Variants in MVD observed in about 807,000 individuals in gnomAD.
The protein encoded by MVD is diphosphomevalonate decarboxylase.
A neutral mutation model predicts 42.4 loss-of-function variants in MVD; 52 were observed. That is an observed-to-expected ratio of 1.23 (90% CI 0.98 to 1.55). The LOEUF (loss-of-function observed/expected upper bound fraction) is 1.55. MVD is among the 40% of genes most tolerant of loss of function. The pLI is 0.00. For missense variants in MVD, 663 were observed against 572.1 expected (o/e 1.16, Z -1.62); for synonymous variants, 287 against 243.2 (o/e 1.18, Z -1.68).
intron 7 of MVD, 132 bp downstream of exon 7, chr16:88,655,067 C>T: frequency 5.2e-6 from 6 of 1,150,968 alleles, no homozygotes; most frequent in East Asian, 2.6e-5. Flanking sequence ...CAGTGAGCTT[C>T]GCACACAGCA....
chr16:88,656,149 C>A lies in MVD; in HGVS notation c.559G>T (p.Ala187Ser), dbSNP rs369371155. The A allele has an allele frequency of 5.0e-6, 8 of 1,601,984 alleles. No homozygotes were observed. In the African/African-American group the frequency reaches 9.3e-5, roughly 19 times the overall value. Residue 187 changes from alanine (A) to serine (S), a missense_variant, in exon 5 of 10, where the codon GCC becomes TCC. Coordinates refer to ENST00000301012, the MANE Select transcript of MVD (RefSeq NM_002461.3). The part of the protein sequence containing the change: ...DGKDSIARQV[A>S]PESHWPELRV... ...AGTTCAGGCCAGTGTGACTCGGGGG[C>A]CACTTGCCGAGCGATGCTGTCCTTC...
rs561517057 is a variant in MVD at position 88,656,054 on chromosome 16, C to A, written c.603+51G>T. On this transcript the variant is annotated intron_variant, in intron 5 of 9. Coordinates refer to ENST00000301012, the MANE Select transcript of MVD (RefSeq NM_002461.3). ...CTCCTGCTCCCGGCAGCAGCCCTGA[C>A]TAGGGACAGAGGCCACCGGGCTGCT... is the stretch of plus-strand genomic sequence containing the variant. 1.8e-5 allele frequency: 28 copies of A among 1,539,708 alleles called. 2 individuals are homozygous for A. The South Asian group carries it at 3.1e-4, about 17-fold the overall frequency.
At chr16:88,658,160 G>T (rs923985519) in intron 2 of MVD, 131 bp from the exon 3 acceptor site, 16 of 863,914 alleles carry the variant, frequency 1.9e-5, no homozygotes, top group Non-Finnish European at 2.7e-5. Context: ...GGCAGGGGGG[G>T]AAAGGCCAGT....
Position 88,652,371 on chromosome 16 carries a change from G to C in MVD, c.*154C>G. 7.5e-6 allele frequency: 6 copies of C among 802,546 alleles called. No individual in the cohort carries two copies. In the South Asian group the frequency reaches 9.0e-5, roughly 12 times the overall value. The allele number at this position is 802,546 out of a possible 1,614,324, so 49.7% of individuals were successfully genotyped here. Reference sequence around the variant, plus strand: ...TCTCCTGACACCTGGGCGGCCGCAGGACTCCCTGCACTGCCCCACAGCAAG... The same window carrying C: ...TCTCCTGACACCTGGGCGGCCGCAGCACTCCCTGCACTGCCCCACAGCAAG... On this transcript the variant is annotated 3_prime_UTR_variant, in exon 10 of 10. Coordinates refer to ENST00000301012, the MANE Select transcript of MVD (RefSeq NM_002461.3).
chr16:88,654,954 T>G, intron 7 of MVD, 147 bp from the exon 8 acceptor site: 1 of 890,628 alleles, frequency 1.1e-6, no homozygotes, highest in East Asian at 2.7e-5. Context: ...TGACCCCAAG[T>G]GCCTGGTACT....
rs139545454 is a variant in MVD at position 88,657,922 on chromosome 16, C to T, written c.249G>A (p.Leu83=). The T allele has an allele frequency of 1.1e-3, 1,708 of 1,613,558 alleles. No homozygotes were observed. The highest frequency in any genetic ancestry group is 1.4e-3 in the Non-Finnish European group (1,624 of 1,179,984). The change falls in exon 3 of 10, where the codon CTG becomes CTA. Residue 83 remains leucine, a synonymous_variant. Coordinates refer to ENST00000301012, the MANE Select transcript of MVD (RefSeq NM_002461.3). The part of the protein sequence containing the change: ...DVGQPRLQAC[L]REIRCLARKR... ...ATGGGGACCCCAGCTCACTCTCCCG[C>T]AGGCAGGCCTGCAGCCGCGGCTGCC...
Position 88,652,225 on chromosome 16 carries a change from G to A in MVD, c.*300C>T, listed in dbSNP as rs1395001706. The stretch of plus-strand genomic sequence containing the variant: ...AGAGAACTGGGCATAGCCAGAGCTG[G>A]GGTGAGAAAGCCCTTCAGCCCTGCT... On this transcript the variant is annotated 3_prime_UTR_variant, in exon 10 of 10. Transcript: ENST00000301012. 1.5e-5 allele frequency: 8 copies of A among 532,522 alleles called. No individual in the cohort carries two copies. The African/African-American group carries it at 1.5e-4, about 10-fold the overall frequency. The allele number at this position is 532,522 out of a possible 1,614,324, so 33.0% of individuals were successfully genotyped here.
At chr16:88,655,543 C>T in intron 6 of MVD, 113 bp downstream of exon 6, 1 of 1,511,274 alleles carries the variant, frequency 6.6e-7, no homozygotes, top group Admixed American at 2.0e-5. Context: ...TGCACGTGGT[C>T]TTGGCGGGGC....
chr16:88,658,591 C>G, intron 2 of MVD, 59 bp downstream of exon 2: 2 of 1,549,952 alleles, frequency 1.3e-6, no homozygotes, highest in East Asian at 2.3e-5. Flanking sequence ...CGGGTACCAA[C>G]TGTTCTACAA....
At position 88,655,507 on chromosome 16, in the gene MVD, C is replaced by G. The variant is rs550435269; in HGVS notation, c.679-90G>C. The G allele has an allele frequency of 6.2e-5, 93 of 1,510,924 alleles. No individual in the cohort carries two copies. The Middle Eastern group carries it at 9.2e-4, about 15-fold the overall frequency. The allele number at this position is 1,510,924 out of a possible 1,614,324, so 93.6% of individuals were successfully genotyped here. A position where few individuals can be genotyped will look rare whatever the true frequency, so the allele number is the denominator to read the frequency against. On this transcript the variant is annotated intron_variant, in intron 6 of 9. Coordinates refer to ENST00000301012, the MANE Select transcript of MVD (RefSeq NM_002461.3). ...AGACTCCGGGGTTGGAGGCCCGGCT[C>G]GAGCCCCATCTCTGCATTTGGCTCC...
At chr16:88,655,135 G>A in intron 7 of MVD, 64 bp downstream of exon 7, 4 of 1,524,378 alleles carry the variant, frequency 2.6e-6, no homozygotes, top group Non-Finnish European at 3.5e-6. Flanking sequence ...CGTCTCCACG[G>A]CAGCACAAGC....
Position 88,657,932 on chromosome 16 carries a change from TGCAGCCGCG to T in MVD, c.230_238del (p.Pro77_Leu79del), listed in dbSNP as rs751341258. On this transcript the variant is annotated inframe_deletion, in exon 3 of 10. Transcript: ENST00000301012. ...CAGCTCACTCTCCCGCAGGCAGGCC[TGCAGCCGCG>T]GCTGCCCCACATCCTCCTCCCGGCC... The T allele has an allele frequency of 1.9e-6, 3 of 1,613,666 alleles. No homozygotes were observed. Among genetic ancestry groups the T allele is most frequent in the Non-Finnish European group, 1.7e-6 (2 of 1,179,996 alleles).
chr16:88,662,657 T>G (rs1420993738), intron 1 of MVD: 1 of 1,272,262 alleles, frequency 7.9e-7, no homozygotes, highest in African/African-American at 1.6e-5. Context: ...TCCTCCCGCC[T>G]CAGCCTCCCG....
chr16:88,657,934 C>T lies in MVD; in HGVS notation c.237G>A (p.Leu79=), dbSNP rs776110807. The change falls in exon 3 of 10, where the codon CTG becomes CTA. Residue 79 remains leucine (L), a synonymous_variant. Transcript: ENST00000301012. Reference sequence around the variant, plus strand: ...GCTCACTCTCCCGCAGGCAGGCCTGCAGCCGCGGCTGCCCCACATCCTCCT... The same window carrying T: ...GCTCACTCTCCCGCAGGCAGGCCTGTAGCCGCGGCTGCCCCACATCCTCCT... The part of the protein sequence containing the change: ...GREEDVGQPR[L]QACLREIRCL... 85 of 1,613,548 alleles carry T rather than the reference C, an allele frequency of 5.3e-5. No individual in the cohort carries two copies. The South Asian group carries it at 8.9e-4, about 17-fold the overall frequency.
At chr16:88,658,802 C>G (rs1352235841) in intron 1 of MVD, 82 bp from the exon 2 acceptor site, 1 of 1,009,032 alleles carries the variant, frequency 9.9e-7, no homozygotes, top group Non-Finnish European at 1.4e-6. Context: ...CCCCACCCCC[C>G]ACCCACGGCC....
At chr16:88,661,275 C>G (rs1908273212) in intron 1 of MVD, among the ~76,000 whole-genome samples, 1 of 152,170 alleles carries the variant, frequency 6.6e-6, no homozygotes, top group South Asian at 2.1e-4. Flanking sequence ...ATACACTGAA[C>G]TTCTTTAAAA....
chr16:88,654,092 G>C (rs1907751485), intron 8 of MVD, among the ~76,000 whole-genome samples: 1 of 152,048 alleles, frequency 6.6e-6, no homozygotes, highest in Non-Finnish European at 1.5e-5. Flanking sequence ...GCTGTGCACC[G>C]AGGAGGGCGT....
intron 2 of MVD, among the ~76,000 whole-genome samples, 178 bp downstream of exon 2, chr16:88,658,472 C>T (rs1437807849): frequency 6.6e-6 from 1 of 152,028 alleles, no homozygotes; most frequent in African/African-American, 2.4e-5. Flanking sequence ...ACTCTGTCAC[C>T]CAGGCTGGAG....
At chr16:88,660,408 G>C (rs1908219620) in intron 1 of MVD, 1 of 152,214 alleles carries the variant, frequency 6.6e-6, no homozygotes, top group Admixed American at 6.5e-5. Context: ...ACTTTGGGAG[G>C]CCGAAGCAGG....
Sources: allele counts gnomAD v4.1 joint callset (sites outside exome capture counted in the v4.1 genomes callset), GRCh38; gene constraint gnomAD v4.1.1; transcripts MANE v1.5; gene names NCBI Gene and HGNC (gene_info 2026-07-23, HGNC 2026-07-21).